Variants in SP1 observed in about 807,000 individuals in gnomAD.
SP1 encodes the protein transcription factor Sp1.
SP1 carries 6 observed loss-of-function variants against 66.3 expected under a neutral mutation model. The ratio of observed to expected loss-of-function variants is 0.09; its 90% confidence interval spans 0.05 to 0.18. The LOEUF (loss-of-function observed/expected upper bound fraction) is 0.18. SP1 is among the 10% of genes least tolerant of loss of function. The pLI is 1.00. For synonymous variants in SP1, 417 were observed against 360.8 expected, an observed-to-expected ratio of 1.16 and a Z score of -1.77; for missense variants, 848 against 964.5, an observed-to-expected ratio of 0.88 and a Z score of 1.60.
intron 3 of SP1, among the ~76,000 whole-genome samples, chr12:53,399,661 A>G (rs1592566477): frequency 9.1e-6 from 1 of 109,362 alleles, no homozygotes. Context: ...TTTGAGATGG[A>G]GTTTCACTCT....
Position 53,382,513 on chromosome 12 carries a change from T to C in SP1, c.566T>C (p.Phe189Ser), listed in dbSNP as rs540994540. 6.2e-7 allele frequency: 1 copy of C among 1,614,166 alleles called. No homozygotes were observed. Among genetic ancestry groups the C allele is most frequent in the East Asian group, 2.2e-5 (1 of 44,894 alleles). The change falls in exon 3 of 6, where the codon TTT becomes TCT. Residue 189 changes from phenylalanine (F) to serine (S), a missense_variant. Physicochemically the swap from Phe to Ser is radical, Grantham distance 155. This residue lies in a region of SP1 where 606 missense variants were observed against 589.9 expected (regional missense o/e 1.03). Coordinates refer to ENST00000327443, the MANE Select transcript of SP1 (RefSeq NM_138473.3). ...FQTVDGQQLQ[F>S]AATGAQVQQD... ...ACCGTTGATGGGCAACAGCTGCAGTTTGCTGCCACTGGGGCCCAAGTGCAG... is the reference window on the plus strand; with the variant it reads ...ACCGTTGATGGGCAACAGCTGCAGTCTGCTGCCACTGGGGCCCAAGTGCAG...
intron 3 of SP1, among the ~76,000 whole-genome samples, chr12:53,397,877 C>G (rs976393551): frequency 4.6e-5 from 7 of 152,040 alleles, no homozygotes; most frequent in African/African-American, 1.7e-4. Context: ...TACTTGTATC[C>G]TAGTTCATGA....
In SP1 at chr12:53,380,218, G is replaced by T; in HGVS notation, c.-74G>T. On this transcript the variant is annotated 5_prime_UTR_variant, in exon 1 of 6. Transcript: ENST00000327443. ...CGGTCCGGGTTCGCTTGCCTCGTCA[G>T]CGTCCGCGTTTTTCCCGGCCCCCCC... The T allele has an allele frequency of 8.6e-7, 1 of 1,163,370 alleles. No individual in the cohort carries two copies. Among genetic ancestry groups the T allele is most frequent in the Non-Finnish European group, 1.3e-6 (1 of 779,348 alleles). The allele number at this position is 1,163,370 out of a possible 1,614,324, so 72.1% of individuals were successfully genotyped here. A position where few individuals can be genotyped will look rare whatever the true frequency, so the allele number is the denominator to read the frequency against.
chr12:53,391,620 G>C (rs1406390473), intron 3 of SP1, among the ~76,000 whole-genome samples: 1 of 151,942 alleles, frequency 6.6e-6, no homozygotes, highest in Non-Finnish European at 1.5e-5. Context: ...ACTGCGCCCA[G>C]CCTTTTTTTA....
intron 3 of SP1, among the ~76,000 whole-genome samples, chr12:53,400,981 C>T (rs1313458762): frequency 1.3e-5 from 2 of 150,858 alleles, no homozygotes; most frequent in Non-Finnish European, 3.0e-5. Context: ...AGGCTGGTCT[C>T]GAACTCCTGA....
Position 53,383,461 on chromosome 12 carries a change from T to G in SP1, c.1514T>G (p.Ile505Ser). The change falls in exon 3 of 6, where the codon ATT (isoleucine) becomes AGT (serine). Residue 505 changes from isoleucine to serine, a missense_variant. By Grantham distance (142) the Ile-to-Ser change is moderately radical (BLOSUM62 -2). Around this residue, in one of 7 missense-constraint regions of SP1, gnomAD observed 606 missense variants for 589.9 expected, o/e 1.03. Coordinates refer to ENST00000327443, the MANE Select transcript of SP1 (RefSeq NM_138473.3). The part of the protein sequence containing the change: ...TSSSNTTLTP[I>S]ASAASIPAGT... ...AGCAGCAACACCACTCTCACACCCA[T>G]TGCCTCAGCTGCTTCCATTCCTGCT... 1 of 1,614,160 alleles carries G rather than the reference T, an allele frequency of 6.2e-7. No individual in the cohort carries two copies. The highest frequency in any genetic ancestry group is 8.5e-7 in the Non-Finnish European group (1 of 1,180,020).
intron 3 of SP1, among the ~76,000 whole-genome samples, chr12:53,404,846 A>G (rs914742611): frequency 2.0e-5 from 3 of 151,358 alleles, no homozygotes; most frequent in Non-Finnish European, 2.9e-5. Flanking sequence ...AATTATTATT[A>G]TTATTTGGCG....
intron 3 of SP1, among the ~76,000 whole-genome samples, chr12:53,385,605 AAAAT>A (rs1370254459): frequency 6.2e-5 from 9 of 145,334 alleles, no homozygotes; most frequent in Non-Finnish European, 1.4e-4. Flanking sequence ...AAAAAAAAAA[AAAAT>A]AAATAAAAAT....
Position 53,382,361 on chromosome 12 carries a change from G to A in SP1, c.414G>A (p.Lys138=). The part of the protein sequence containing the change: ...TNGSNGSESS[K]NRTVSGGQYV... Reference sequence around the variant, plus strand: ...GCAGCAATGGCAGTGAGTCTTCCAAGAATCGCACAGTCTCTGGTGGGCAGT... The same window carrying A: ...GCAGCAATGGCAGTGAGTCTTCCAAAAATCGCACAGTCTCTGGTGGGCAGT... The change falls in exon 3 of 6, where the codon AAG becomes AAA. Residue 138 remains lysine, a synonymous_variant. Transcript: ENST00000327443. 1 of 1,614,202 alleles carries A rather than the reference G, an allele frequency of 6.2e-7. No individual in the cohort carries two copies.
In SP1 at chr12:53,406,695, G is replaced by T; in HGVS notation, c.1786G>T (p.Gly596Cys). ...CAGCCCAGATGCCCAACCCCAAGCC[G>T]GTCGGAGGACCCGGCGGGAAGCATG... ...ENSPDAQPQA[G>C]RRTRREACTC... The change falls in exon 4 of 6, where the codon GGT (glycine) becomes TGT (cysteine). Residue 596 changes from glycine (G) to cysteine (C), a missense_variant. Physicochemically the swap from Gly to Cys is radical, Grantham distance 159. This residue lies in a region of SP1 where 26 missense variants were observed against 49.2 expected (regional missense o/e 0.53). Coordinates refer to ENST00000327443, the MANE Select transcript of SP1 (RefSeq NM_138473.3). 1.9e-6 allele frequency: 3 copies of T among 1,614,118 alleles called. No homozygotes were observed. The highest frequency in any genetic ancestry group is 2.5e-6 in the Non-Finnish European group (3 of 1,180,010).
rs774873826 is a variant in SP1 at position 53,382,091 on chromosome 12, C to T, written c.163-19C>T. Reference sequence around the variant, plus strand: ...GCTGGGTGTCACTAACTCCTTTCCTCTCCCTTATTTTCGGCCAGGAGTCCC... The same window carrying T: ...GCTGGGTGTCACTAACTCCTTTCCTTTCCCTTATTTTCGGCCAGGAGTCCC... On this transcript the variant is annotated intron_variant, in intron 2 of 5. Coordinates refer to ENST00000327443, the MANE Select transcript of SP1 (RefSeq NM_138473.3). 6.2e-6 allele frequency: 10 copies of T among 1,610,906 alleles called. 1 individual carries two copies.
rs990547888 is a variant in SP1 at position 53,414,889 on chromosome 12, C to G, written c.*3649C>G. 4.6e-5 allele frequency: 7 copies of G among 152,500 alleles called. No individual in the cohort carries two copies. The highest frequency in any genetic ancestry group is 1.7e-4 in the African/African-American group (7 of 41,390). 9.4% of individuals were successfully genotyped at this position (152,500 alleles called of 1,614,324 possible). On this transcript the variant is annotated 3_prime_UTR_variant, in exon 6 of 6. Transcript: ENST00000327443. ...TGCCTTTTGGACCTTGGGATCAGAT[C>G]AAGAGTTTTGGAGATCAGGTACCAA...
chr12:53,391,513 C>T (rs886925567), intron 3 of SP1, among the ~76,000 whole-genome samples: 2 of 151,870 alleles, frequency 1.3e-5, no homozygotes, highest in Admixed American at 1.3e-4. Context: ...TTAGTAGAGA[C>T]GGGGTTTCCC....
intron 3 of SP1, among the ~76,000 whole-genome samples, chr12:53,402,688 C>T (rs957308344): frequency 1.4e-5 from 2 of 144,150 alleles, no homozygotes; most frequent in Admixed American, 7.4e-5. Context: ...AAAATGCAGC[C>T]GGGTGCAGTG....
chr12:53,403,528 T>A (rs1436650887), intron 3 of SP1, among the ~76,000 whole-genome samples: 1 of 151,644 alleles, frequency 6.6e-6, no homozygotes, highest in Non-Finnish European at 1.5e-5. Flanking sequence ...AATTTTTTTT[T>A]TTTTTTGTAG....
intron 5 of SP1, among the ~76,000 whole-genome samples, chr12:53,410,567 C>T (rs1013000265): frequency 5.9e-5 from 9 of 151,710 alleles, no homozygotes; most frequent in African/African-American, 1.5e-4. Context: ...TGCAGTGGCG[C>T]GATCTCGGCT....
chr12:53,405,015 T>C (rs1176105086), intron 3 of SP1, among the ~76,000 whole-genome samples: 1 of 151,788 alleles, frequency 6.6e-6, no homozygotes. Flanking sequence ...TTTTGTTTTG[T>C]TTTTGTATTT....
At chr12:53,410,706 C>T (rs2683511) in intron 5 of SP1, among the ~76,000 whole-genome samples, 12,140 of 151,882 alleles carry the variant, frequency 0.08, 1,553 homozygotes, top group African/African-American at 0.28. Flanking sequence ...AGGGTTTCAC[C>T]GTGGTCTTGA....
At chr12:53,394,586 T>C (rs1272622741) in intron 3 of SP1, among the ~76,000 whole-genome samples, 3 of 148,644 alleles carry the variant, frequency 2.0e-5, no homozygotes, top group Non-Finnish European at 3.0e-5. Context: ...TTTTCTTCTT[T>C]TTTTTTTTTG....
Sources: gnomAD v4.1 joint callset for allele counts (sites outside exome capture counted in the v4.1 genomes callset) on GRCh38, gnomAD v4.1.1 for gene constraint, gnomAD v4.1.1 regional missense constraint, MANE v1.5 for transcripts, NCBI Gene and HGNC (gene_info 2026-07-23, HGNC 2026-07-21) for gene names.